The following RAB27B variants were observed in gnomAD, a reference collection of about 807,000 sequenced individuals.
The protein encoded by RAB27B is RAB27B, member RAS oncogene family, also known as ras-related protein Rab-27B.
In RAB27B, 15 loss-of-function variants were observed where a neutral mutation model predicts 24.6. The ratio of observed to expected loss-of-function variants is 0.61; its 90% CI spans 0.41 to 0.94. The LOEUF (loss-of-function observed/expected upper bound fraction) is 0.94, where lower values mean the gene tolerates loss of function less well. Ranked by LOEUF, RAB27B falls within the 40% of genes least tolerant of loss-of-function variation. The pLI, the probability that RAB27B is intolerant of heterozygous loss-of-function variation, is 0.00. For synonymous variants in RAB27B, 105 were observed against 92.5 expected, an observed-to-expected ratio of 1.14 and a Z score of -0.78; for missense variants, 261 against 266.8, an observed-to-expected ratio of 0.98 and a Z score of 0.15.
At chr18:54,837,293 T>C (rs1231870419) in intron 1 of RAB27B, among the ~76,000 whole-genome samples, 1 of 152,112 alleles carries the variant, frequency 6.6e-6, no homozygotes, top group Non-Finnish European at 1.5e-5. Context: ...AGATAAGTTA[T>C]ATTAATATTA....
chr18:54,873,492 A>G (rs1391262984), intron 1 of RAB27B, among the ~76,000 whole-genome samples: 1 of 152,204 alleles, frequency 6.6e-6, no homozygotes, highest in Non-Finnish European at 1.5e-5. Flanking sequence ...AATAAACAAT[A>G]CTGTTAAACT....
intron 2 of RAB27B, among the ~76,000 whole-genome samples, chr18:54,816,003 A>G (rs1438573920): frequency 6.6e-6 from 1 of 152,238 alleles, no homozygotes; most frequent in Non-Finnish European, 1.5e-5. Flanking sequence ...GTGAACATTT[A>G]TCAGGTTTAA....
chr18:54,719,493 C>A (rs915482760), intron 2 of RAB27B, among the ~76,000 whole-genome samples: 2 of 151,832 alleles, frequency 1.3e-5, no homozygotes, highest in African/African-American at 4.8e-5. Context: ...TATTAACTTG[C>A]AGTATCTGTA....
chr18:54,871,495 T>C (rs1912462281), intron 1 of RAB27B, among the ~76,000 whole-genome samples: 1 of 152,194 alleles, frequency 6.6e-6, no homozygotes, highest in South Asian at 2.1e-4. Context: ...CATCTGCTTA[T>C]CTTGTGCTTG....
At chr18:54,793,542 C>T (rs540664435) in intron 2 of RAB27B, among the ~76,000 whole-genome samples, 2 of 152,232 alleles carry the variant, frequency 1.3e-5, no homozygotes, top group South Asian at 2.1e-4. Context: ...AATTAAGGGG[C>T]GTTTGGACCA....
At chr18:54,837,697 C>T (rs1314565128) in intron 1 of RAB27B, among the ~76,000 whole-genome samples, 2 of 151,978 alleles carry the variant, frequency 1.3e-5, no homozygotes, top group East Asian at 3.8e-4. Flanking sequence ...TTATTTTCTG[C>T]AAGCACTACT....
At chr18:54,739,191 A>T (rs1178008434) in intron 2 of RAB27B, among the ~76,000 whole-genome samples, 1 of 152,120 alleles carries the variant, frequency 6.6e-6, no homozygotes, top group East Asian at 1.9e-4. Context: ...GTGGTGGCTC[A>T]TGCCTGTAAT....
chr18:54,817,122 T>C (rs535344648), intron 2 of RAB27B, among the ~76,000 whole-genome samples: 3 of 152,352 alleles, frequency 2.0e-5, no homozygotes, highest in Admixed American at 6.5e-5. Flanking sequence ...TTCTTTTCCT[T>C]GAAACTTTCC....
chr18:54,838,997 TATATG>T (rs1911002704), intron 1 of RAB27B, among the ~76,000 whole-genome samples: 1 of 152,078 alleles, frequency 6.6e-6, no homozygotes, highest in Admixed American at 6.6e-5. Context: ...TATATGGACT[TATATG>T]AGACAGTAAT....
At chr18:54,768,755 G>T (rs1908446480) in intron 2 of RAB27B, among the ~76,000 whole-genome samples, 1 of 152,062 alleles carries the variant, frequency 6.6e-6, no homozygotes, top group Admixed American at 6.6e-5. Context: ...TTTGTCACAG[G>T]GTACCAGGAC....
intron 2 of RAB27B, among the ~76,000 whole-genome samples, chr18:54,749,892 C>T (rs1263039979): frequency 3.9e-5 from 6 of 152,012 alleles, no homozygotes; most frequent in Non-Finnish European, 8.8e-5. Flanking sequence ...CAATTAATAC[C>T]TGTTAGTAAT....
In RAB27B at chr18:54,891,026, G is replaced by T. The variant is rs75423471; in HGVS notation, c.*1613G>T. On this transcript the variant is annotated 3_prime_UTR_variant, in exon 6 of 6. Coordinates refer to ENST00000262094, the MANE Select transcript of RAB27B (RefSeq NM_004163.4). ...TGAGCATATGATTTTTTGACAGGCT[G>T]TTTCCTCGTCGTATAGATTTTTTCC... 6.6e-6 allele frequency: 1 copy of T among 151,240 alleles called. No homozygotes were observed. The highest frequency in any genetic ancestry group is 2.4e-5 in the African/African-American group (1 of 41,268). The allele number at this position is 151,240 out of a possible 1,614,324, so 9.4% of individuals were successfully genotyped here. A position where few individuals can be genotyped will look rare whatever the true frequency, so the allele number is the denominator to read the frequency against.
At chr18:54,754,128 G>C (rs56349447) in intron 2 of RAB27B, among the ~76,000 whole-genome samples, 9,247 of 151,860 alleles carry the variant, frequency 0.061, 355 homozygotes, top group Admixed American at 0.087. Flanking sequence ...GGGAGAGACC[G>C]GGTGGGAGGT....
intron 1 of RAB27B, among the ~76,000 whole-genome samples, chr18:54,865,913 T>TA (rs1348512376): frequency 1.3e-5 from 2 of 152,202 alleles, no homozygotes; most frequent in African/African-American, 4.8e-5. Context: ...AACTGGAATT[T>TA]ATAGGTTGGA....
Position 54,837,409 on chromosome 18 carries a change from G to A in RAB27B, c.-20+8709G>A, listed in dbSNP as rs1480191879. On this transcript the variant is annotated intron_variant, in intron 1 of 5. Coordinates refer to ENST00000262094, the MANE Select transcript of RAB27B (RefSeq NM_004163.4). Reference sequence around the variant, plus strand: ...TACTAAGGCAATAGATGGATAAATAGTGGTCCTCAAAATTGAAAATCAGGC... The same window carrying A: ...TACTAAGGCAATAGATGGATAAATAATGGTCCTCAAAATTGAAAATCAGGC... Among the ~76,000 whole-genome samples the A allele has an allele frequency of 3.3e-5, 5 of 152,130 alleles. No homozygotes were observed. The East Asian group carries it at 9.6e-4, about 29-fold the overall frequency.
chr18:54,743,253 C>T (rs1034840904), intron 2 of RAB27B, among the ~76,000 whole-genome samples: 2 of 152,176 alleles, frequency 1.3e-5, no homozygotes, highest in Non-Finnish European at 2.9e-5. Flanking sequence ...ACTATATTAA[C>T]ATAACTGAAT....
At chr18:54,788,408 T>C (rs930058740) in intron 2 of RAB27B, among the ~76,000 whole-genome samples, 1 of 152,184 alleles carries the variant, frequency 6.6e-6, no homozygotes, top group Non-Finnish European at 1.5e-5. Context: ...GTTCAAGTGA[T>C]TCCTCTGCTT....
chr18:54,788,663 A>C (rs1481503983), intron 2 of RAB27B, among the ~76,000 whole-genome samples: 1 of 152,208 alleles, frequency 6.6e-6, no homozygotes, highest in East Asian at 1.9e-4. Context: ...CTCTAATTTT[A>C]CCTTTGGTTC....
intron 2 of RAB27B, among the ~76,000 whole-genome samples, chr18:54,738,048 A>G (rs1412497485): frequency 6.6e-6 from 1 of 152,152 alleles, no homozygotes; most frequent in African/African-American, 2.4e-5. Context: ...GAGATGCCAG[A>G]CTTCGGAAGG....
Sources: gnomAD v4.1 joint callset for allele counts (sites outside exome capture counted in the v4.1 genomes callset) on GRCh38, gnomAD v4.1.1 for gene constraint, MANE v1.5 for transcripts, NCBI Gene and HGNC (gene_info 2026-07-23, HGNC 2026-07-21) for gene names.